CNTNAP4: variants seen among roughly 807,000 people sequenced by gnomAD.
The protein encoded by CNTNAP4 is contactin associated protein family member 4.
Under a neutral mutation model 148.4 loss-of-function variants are expected in CNTNAP4, and 98 were observed. That is an observed-to-expected ratio of 0.66 (90% CI 0.56 to 0.78). CNTNAP4 has a LOEUF of 0.78. CNTNAP4 is among the 30% of genes least tolerant of loss of function. CNTNAP4 has a pLI of 0.00. For missense variants in CNTNAP4, 1,935 were observed against 1,565.6 expected (o/e 1.24, Z -3.98); for synonymous variants, 730 against 565.1 (o/e 1.29, Z -4.14).
intron 2 of CNTNAP4, among the ~76,000 whole-genome samples, chr16:76,324,846 C>G (rs1251694050): frequency 6.6e-6 from 1 of 152,120 alleles, no homozygotes; most frequent in Non-Finnish European, 1.5e-5. Flanking sequence ...TCATGAGTGG[C>G]CCACCCTCGT....
At chr16:76,395,640 C>T (rs967305783) in intron 3 of CNTNAP4, among the ~76,000 whole-genome samples, 1 of 151,950 alleles carries the variant, frequency 6.6e-6, no homozygotes, top group Non-Finnish European at 1.5e-5. Context: ...CAGTAAAAAT[C>T]AATGTATATA....
intron 3 of CNTNAP4, among the ~76,000 whole-genome samples, chr16:76,375,109 G>A (rs2015287556): frequency 6.6e-6 from 1 of 152,090 alleles, no homozygotes; most frequent in African/African-American, 2.4e-5. Flanking sequence ...CAAGAAGAAA[G>A]TACTATTTGT....
At chr16:76,454,906 G>T (rs550195062) in intron 8 of CNTNAP4, among the ~76,000 whole-genome samples, 225 of 152,122 alleles carry the variant, frequency 1.5e-3, no homozygotes, top group Non-Finnish European at 2.9e-3. Context: ...TTATATGTTT[G>T]AAAAACTCAA....
At chr16:76,356,173 C>A (rs1419404676) in intron 3 of CNTNAP4, among the ~76,000 whole-genome samples, 1 of 152,066 alleles carries the variant, frequency 6.6e-6, no homozygotes, top group Non-Finnish European at 1.5e-5. Flanking sequence ...CTGAGCCCAG[C>A]CTGCATTGTC....
intron 4 of CNTNAP4, among the ~76,000 whole-genome samples, chr16:76,431,324 C>G (rs1004510973): frequency 1.7e-4 from 26 of 152,206 alleles, no homozygotes; most frequent in African/African-American, 5.8e-4. Context: ...CATTAGAAGG[C>G]TTTCACTCTT....
chr16:76,453,825 A>C lies in CNTNAP4; in HGVS notation c.1333+1056A>C, dbSNP rs543530230. On this transcript the variant is annotated intron_variant, in intron 8 of 23. Transcript: ENST00000611870. ...GAACCGAGAATTCGATATTAGTTATAATTTTTAAAGAGATACTATGCTGTG... is the reference window on the plus strand; with the variant it reads ...GAACCGAGAATTCGATATTAGTTATCATTTTTAAAGAGATACTATGCTGTG... Among the ~76,000 whole-genome samples, 10 of 152,304 alleles carry C rather than the reference A, an allele frequency of 6.6e-5. No homozygotes were observed. In the South Asian group the frequency reaches 1.9e-3, roughly 28 times the overall value.
At position 76,355,360 on chromosome 16, in the gene CNTNAP4, G is replaced by A; in HGVS notation, c.239G>A (p.Trp80Ter). Residue 80 changes from tryptophan to a stop codon, truncating the protein, a stop_gained, in exon 3 of 24, where the codon TGG becomes TAG. Coordinates refer to ENST00000611870, the MANE Select transcript of CNTNAP4 (RefSeq NM_033401.5). LOFTEE classifies it high-confidence loss of function. ...CCACTTGTGTCTAACAAATACCAGT[G>A]GTTGCAGATTGACCTTGGAGAGAGA... Reference protein sequence around the residue: ...WSPLVSNKYQWLQIDLGERME... With the variant: ...WSPLVSNKYQ 2 of 1,602,138 alleles carry A rather than the reference G, an allele frequency of 1.2e-6. No individual in the cohort carries two copies. Among genetic ancestry groups the A allele is most frequent in the South Asian group, 1.1e-5 (1 of 89,660 alleles).
intron 2 of CNTNAP4, among the ~76,000 whole-genome samples, chr16:76,332,419 C>T (rs577691203): frequency 9.9e-5 from 15 of 152,174 alleles, no homozygotes; most frequent in East Asian, 3.9e-4. Flanking sequence ...CGCACCACCA[C>T]GCCAGACTAA....
intron 17 of CNTNAP4, among the ~76,000 whole-genome samples, chr16:76,522,530 GTT>G (rs916384684): frequency 6.6e-6 from 1 of 151,908 alleles, no homozygotes; most frequent in African/African-American, 2.4e-5. Context: ...TCAGATTTGT[GTT>G]TAACTAATTC....
At chr16:76,337,234 G>T (rs1382895427) in intron 2 of CNTNAP4, among the ~76,000 whole-genome samples, 1 of 152,192 alleles carries the variant, frequency 6.6e-6, no homozygotes, top group Non-Finnish European at 1.5e-5. Flanking sequence ...GGTTTCCTTA[G>T]CCTTGAATGA....
At chr16:76,537,194 C>T (rs752209442) in intron 18 of CNTNAP4, among the ~76,000 whole-genome samples, 12 of 151,932 alleles carry the variant, frequency 7.9e-5, no homozygotes, top group Non-Finnish European at 1.6e-4. Context: ...TAAGTGCAAC[C>T]GTAAATGTTA....
chr16:76,316,675 T>C (rs1396224562), intron 2 of CNTNAP4, among the ~76,000 whole-genome samples, 152 bp downstream of exon 2: 1 of 152,196 alleles, frequency 6.6e-6, no homozygotes, highest in Admixed American at 6.5e-5. Flanking sequence ...ATATGACATC[T>C]AGCTTCTGTT....
intron 3 of CNTNAP4, among the ~76,000 whole-genome samples, chr16:76,427,069 G>A (rs181285350): frequency 2.1e-4 from 32 of 152,216 alleles, no homozygotes; most frequent in African/African-American, 6.7e-4. Flanking sequence ...TTGTTGACTC[G>A]AATGATTGTT....
chr16:76,488,659 C>G (rs1597709655), intron 12 of CNTNAP4, among the ~76,000 whole-genome samples: 2 of 152,306 alleles, frequency 1.3e-5, no homozygotes, highest in South Asian at 4.1e-4. Context: ...TGTGACTTAA[C>G]AGCACATATG....
intron 15 of CNTNAP4, among the ~76,000 whole-genome samples, chr16:76,518,310 T>C (rs562289502): frequency 1.2e-4 from 18 of 151,994 alleles, no homozygotes; most frequent in Admixed American, 2.0e-4. Flanking sequence ...GCATTTTTAG[T>C]AGAGACAGGG....
intron 18 of CNTNAP4, 114 bp from the exon 19 acceptor site, chr16:76,538,002 T>A: frequency 2.6e-6 from 1 of 389,906 alleles, no homozygotes; most frequent in Non-Finnish European, 4.4e-6. Context: ...TATTTTGGGG[T>A]TGGTTCTTCT....
intron 2 of CNTNAP4, among the ~76,000 whole-genome samples, chr16:76,320,228 G>A (rs1207830342): frequency 6.6e-6 from 1 of 152,120 alleles, no homozygotes; most frequent in South Asian, 2.1e-4. Flanking sequence ...TCTAATGCTG[G>A]GTAAAGATTA....
intron 4 of CNTNAP4, chr16:76,432,366 G>A (rs917751337): frequency 1.3e-5 from 2 of 152,240 alleles, no homozygotes; most frequent in Admixed American, 6.5e-5. Flanking sequence ...ATATCAAAGA[G>A]CATGTTCTAC....
intron 7 of CNTNAP4, 104 bp downstream of exon 7, chr16:76,449,962 A>G: frequency 3.3e-6 from 3 of 921,288 alleles, no homozygotes; most frequent in Middle Eastern, 2.2e-4. Context: ...TTTTAGAGGT[A>G]CTCTTATTTA....
Sources: gnomAD v4.1 joint callset for allele counts (sites outside exome capture counted in the v4.1 genomes callset) on GRCh38, gnomAD v4.1.1 for gene constraint, MANE v1.5 for transcripts, NCBI Gene and HGNC (gene_info 2026-07-23, HGNC 2026-07-21) for gene names.